MUC6: variants seen among roughly 807,000 people sequenced by gnomAD.
MUC6 encodes mucin-6.
A neutral mutation model predicts 201.5 loss-of-function variants in MUC6; 188 were observed. That is an observed-to-expected ratio of 0.93 (90% CI 0.83 to 1.05). The LOEUF is 1.05. Ranked by LOEUF, MUC6 falls within the 50% of genes least tolerant of loss-of-function variation. The pLI is 0.00. For missense variants in MUC6, 2,706 were observed against 3,256.9 expected (o/e 0.83, Z 4.12); for synonymous variants, 1,228 against 1,389.4 (o/e 0.88, Z 2.58).
Position 1,026,104 on chromosome 11 carries a change from T to G in MUC6, c.2584A>C (p.Thr862Pro), listed in dbSNP as rs1299174398. The change falls in exon 21 of 33, where the codon ACC (threonine) becomes CCC (proline). Residue 862 changes from threonine (T) to proline (P), a missense_variant. By Grantham distance (38) the Thr-to-Pro change is conservative. Transcript: ENST00000421673. ...SRGRWACQQGTHCPSTCTLYG... is the reference protein window; with the variant it reads ...SRGRWACQQGPHCPSTCTLYG... ...AGGGTGCAGGTGGATGGGCAGTGGG[T>G]GCCCTGCTGACAGGCCCACCTCCCC... is the stretch of plus-strand genomic sequence containing the variant. The G allele has an allele frequency of 5.0e-6, 8 of 1,600,258 alleles. No homozygotes were observed. Among genetic ancestry groups the G allele is most frequent in the Non-Finnish European group, 6.8e-6 (8 of 1,174,332 alleles).
chr11:1,023,226 G>T (rs994286875), intron 26 of MUC6, among the ~76,000 whole-genome samples: 2 of 151,710 alleles, frequency 1.3e-5, no homozygotes, highest in Admixed American at 1.3e-4. Flanking sequence ...TGTGTGTAGT[G>T]ACTGCGTGAA....
At chr11:1,015,658 T>G in intron 31 of MUC6, 104 bp downstream of exon 31, 1 of 1,463,652 alleles carries the variant, frequency 6.8e-7, no homozygotes. Flanking sequence ...AGGCGTGTGG[T>G]CCTGGGATCA....
At chr11:1,032,087 T>A in intron 2 of MUC6, 34 bp from the exon 3 acceptor site, 1 of 1,604,092 alleles carries the variant, frequency 6.2e-7, no homozygotes, top group Non-Finnish European at 8.5e-7. Context: ...CAGCCCTGTG[T>A]CCCCACCATC....
rs189479137 is a variant in MUC6, at chr11:1,034,807, G to A, written c.53-1732C>T. Among the ~76,000 whole-genome samples, 22 of 152,268 alleles carry A rather than the reference G, an allele frequency of 1.4e-4. No homozygotes were observed. The East Asian group carries it at 4.1e-3, about 28-fold the overall frequency. ...CTGCCAGGCTGGCTTCACTGCCCCG[G>A]GTGGGTGCCTCATTGCTGCACCCCC... is the stretch of plus-strand genomic sequence containing the variant. On this transcript the variant is annotated intron_variant, in intron 1 of 32. Coordinates refer to ENST00000421673, the MANE Select transcript of MUC6 (RefSeq NM_005961.3).
At chr11:1,014,485 C>T (rs1030731688) in intron 31 of MUC6, among the ~76,000 whole-genome samples, 2 of 152,160 alleles carry the variant, frequency 1.3e-5, no homozygotes, top group Non-Finnish European at 2.9e-5. Context: ...GGAGCAGGCC[C>T]CGTGGTCTGG....
chr11:1,030,869 C>T, intron 6 of MUC6, 78 bp downstream of exon 6: 1 of 1,529,178 alleles, frequency 6.5e-7, no homozygotes, highest in Non-Finnish European at 8.8e-7. Flanking sequence ...TGTGATGCGG[C>T]TGCTTGTGGG....
chr11:1,014,054 G>C, intron 31 of MUC6, 53 bp from the exon 32 acceptor site: 1 of 1,489,328 alleles, frequency 6.7e-7, no homozygotes, highest in Non-Finnish European at 9.1e-7. Flanking sequence ...GGAGCGAGGA[G>C]GGAGGGAAAC....
rs1590052174 is a variant in MUC6, at chr11:1,029,063, C to T, written c.1363G>A (p.Val455Ile). ...SHSETSLVAV[V>I]YLSRQDKIVI... ...GGCCTTACCTGCCTGGAGAGGTAGACCACAGCCACCAGGGAGGTCTCGGAG... is the reference window on the plus strand; with the variant it reads ...GGCCTTACCTGCCTGGAGAGGTAGATCACAGCCACCAGGGAGGTCTCGGAG... Residue 455 changes from valine (V) to isoleucine (I), a missense_variant, in exon 11 of 33, where the codon GTC becomes ATC. By Grantham distance (29) the Val-to-Ile change is conservative. Around this residue, in one of 10 missense-constraint regions of MUC6, gnomAD observed 1,850 missense variants for 1,958.3 expected, o/e 0.94. Transcript: ENST00000421673. 2 of 1,612,834 alleles carry T rather than the reference C, an allele frequency of 1.2e-6. No homozygotes were observed. The highest frequency in any genetic ancestry group is 1.1e-5 in the South Asian group (1 of 91,068).
rs938215432 is a variant in MUC6 at position 1,015,980 on chromosome 11, G to A, written c.6821C>T (p.Thr2274Ile). 4 of 1,596,996 alleles carry A rather than the reference G, an allele frequency of 2.5e-6. No individual in the cohort carries two copies. The highest frequency in any genetic ancestry group is 3.4e-6 in the Non-Finnish European group (4 of 1,169,334). Residue 2274 changes from threonine (T) to isoleucine (I), a missense_variant, in exon 31 of 33, where the codon ACT (threonine) becomes ATT (isoleucine). This residue lies in a region of MUC6 where 586 missense variants were observed against 488.0 expected (regional missense o/e 1.20). Coordinates refer to ENST00000421673, the MANE Select transcript of MUC6 (RefSeq NM_005961.3). ...TGTGGGAACTCGGGTGGTGAGAGAAGTGGACCGCGAGGTGGTGGACTGAGA... is the reference window on the plus strand; with the variant it reads ...TGTGGGAACTCGGGTGGTGAGAGAAATGGACCGCGAGGTGGTGGACTGAGA... ...FSSQSTTSRS[T>I]SLTTRVPTSG...
chr11:1,027,847 G>A (rs1857002957), intron 15 of MUC6, 30 bp from the exon 16 acceptor site: 2 of 1,604,276 alleles, frequency 1.2e-6, no homozygotes, highest in Middle Eastern at 1.6e-4. Context: ...ATGGGCTGGT[G>A]GCAGGCACCC....
chr11:1,014,155 C>G (rs551540704), intron 31 of MUC6, among the ~76,000 whole-genome samples, 154 bp from the exon 32 acceptor site: 48 of 152,252 alleles, frequency 3.2e-4, no homozygotes, highest in Non-Finnish European at 6.5e-4. Flanking sequence ...GCTCAGACCT[C>G]AGCCATACAC....
chr11:1,026,862 C>T, intron 19 of MUC6, 79 bp downstream of exon 19: 1 of 1,352,078 alleles, frequency 7.4e-7, no homozygotes, highest in Non-Finnish European at 1.0e-6. Context: ...GCGGCCAGGT[C>T]TCCCGGAGTT....
intron 26 of MUC6, among the ~76,000 whole-genome samples, chr11:1,022,130 G>A (rs113153874): frequency 3.2e-5 from 3 of 94,734 alleles, no homozygotes; most frequent in Non-Finnish European, 6.0e-5. Context: ...CCCCTCACTC[G>A]CTCTGCCCTC....
chr11:1,030,366 T>TTCCCCC, intron 7 of MUC6, 31 bp from the exon 8 acceptor site: 1 of 1,489,592 alleles, frequency 6.7e-7, no homozygotes, highest in Non-Finnish European at 9.1e-7. Context: ...GGTGAGAGGG[T>TTCCCCC]CCCACCCCCC....
chr11:1,030,586 G>C lies in MUC6; in HGVS notation c.879C>G (p.Ser293Arg). Reference sequence around the variant, plus strand: ...CCCTGGACTCACAGCACAGGCCGGGGCTCCGCCAGCGGCGGACCGGCTGGC... The same window carrying C: ...CCCTGGACTCACAGCACAGGCCGGGCCTCCGCCAGCGGCGGACCGGCTGGC... ...MVGQPVRRWRSPGLCSVGQCP... is the reference protein window; with the variant it reads ...MVGQPVRRWRRPGLCSVGQCP... Residue 293 changes from serine to arginine, a missense_variant, in exon 7 of 33, where the codon AGC (serine) becomes AGG (arginine). Ser to Arg is a moderately radical substitution (Grantham distance 110, BLOSUM62 -1). Coordinates refer to ENST00000421673, the MANE Select transcript of MUC6 (RefSeq NM_005961.3). The C allele has an allele frequency of 6.6e-7, 1 of 1,518,288 alleles. No individual in the cohort carries two copies. The allele number at this position is 1,518,288 out of a possible 1,614,324, so 94.1% of individuals were successfully genotyped here.
intron 8 of MUC6, among the ~76,000 whole-genome samples, chr11:1,029,861 G>A (rs975979914): frequency 7.2e-5 from 11 of 152,298 alleles, no homozygotes; most frequent in South Asian, 4.1e-4. Flanking sequence ...ACAGCCCCTC[G>A]TGCCAATGTG....
Position 1,028,752 on chromosome 11 carries a change from G to A in MUC6, c.1485C>T (p.Thr495=). ...RNITVFRQTS[T]HLQMATSFGL... is the part of the protein sequence containing the mutation. ...CGAAGCTGGTGGCCATCTGGAGGTG[G>A]GTGGACGTCTGCCTGAAGACCGTGA... The change falls in exon 13 of 33, where the codon ACC becomes ACT. Residue 495 remains threonine (T), a synonymous_variant. Transcript: ENST00000421673. 2 of 1,612,174 alleles carry A rather than the reference G, an allele frequency of 1.2e-6. No homozygotes were observed. Among genetic ancestry groups the A allele is most frequent in the Non-Finnish European group, 1.7e-6 (2 of 1,179,790 alleles).
At chr11:1,023,735 G>A in intron 25 of MUC6, 83 bp from the exon 26 acceptor site, 1 of 1,560,804 alleles carries the variant, frequency 6.4e-7, no homozygotes, top group South Asian at 1.2e-5. Context: ...GGCATGCATG[G>A]AACCTGAGTG....
At chr11:1,029,426 AC>A in intron 9 of MUC6, 60 bp from the exon 10 acceptor site, 1 of 1,596,146 alleles carries the variant, frequency 6.3e-7, no homozygotes, top group Non-Finnish European at 8.5e-7. Context: ...CAGACAGCAC[AC>A]CCCTGCCTGC....
Sources: gnomAD v4.1 joint callset for allele counts (sites outside exome capture counted in the v4.1 genomes callset) on GRCh38, gnomAD v4.1.1 for gene constraint, gnomAD v4.1.1 regional missense constraint, MANE v1.5 for transcripts, NCBI Gene and HGNC (gene_info 2026-07-23, HGNC 2026-07-21) for gene names.